Variants in KIAA1549L observed in about 807,000 individuals in gnomAD.
KIAA1549L encodes KIAA1549 like, also known as UPF0606 protein KIAA1549L.
KIAA1549L carries 88 observed loss-of-function variants against 160.7 expected under a neutral mutation model. That is an observed-to-expected ratio of 0.55 (90% CI 0.46 to 0.65). The LOEUF is 0.65. Among genes scored for constraint, KIAA1549L ranks in the 30% least tolerant of loss-of-function variants. The pLI is 0.00. For synonymous variants in KIAA1549L, 950 were observed against 976.7 expected (o/e 0.97, Z 0.51); for missense variants, 2,258 against 2,437.5 (o/e 0.93, Z 1.55).
At chr11:33,429,661 C>T (rs919668364) in intron 1 of KIAA1549L, among the ~76,000 whole-genome samples, 1 of 152,184 alleles carries the variant, frequency 6.6e-6, no homozygotes, top group African/African-American at 2.4e-5. Context: ...ATTAACCTTC[C>T]TCAGGGTTCA....
intron 16 of KIAA1549L, among the ~76,000 whole-genome samples, chr11:33,630,642 T>C (rs139428771): frequency 0.023 from 3,502 of 152,252 alleles, 142 homozygotes; most frequent in African/African-American, 0.074. Context: ...CTTCGGCTCA[T>C]GCATGGTGCG....
At chr11:33,648,366 C>T (rs118121823) in intron 17 of KIAA1549L, among the ~76,000 whole-genome samples, 3,501 of 151,640 alleles carry the variant, frequency 0.023, 61 homozygotes, top group Middle Eastern at 0.041. Context: ...CTGTGAGGTC[C>T]GTATTTTCAG....
At position 33,552,248 on chromosome 11, in the gene KIAA1549L, A is replaced by T; in HGVS notation, c.3855+7A>T. 6.3e-7 allele frequency: 1 copy of T among 1,596,262 alleles called. No individual in the cohort carries two copies. Among genetic ancestry groups the T allele is most frequent in the Non-Finnish European group, 8.5e-7 (1 of 1,170,988 alleles). ...AAGCAACTTGACAATTCAGGTAGGG[A>T]GGAAGGTGCTTCAGGCTGTGTAGTT... On this transcript the variant is annotated splice_region_variant and intron_variant, in intron 6 of 20. Coordinates refer to ENST00000658780, the MANE Select transcript of KIAA1549L (RefSeq NM_012194.3).
intron 1 of KIAA1549L, among the ~76,000 whole-genome samples, chr11:33,431,008 G>A (rs1343797404): frequency 2.0e-5 from 3 of 152,022 alleles, no homozygotes; most frequent in Non-Finnish European, 4.4e-5. Context: ...AGATGTGTTC[G>A]GAGTTTCTTC....
intron 12 of KIAA1549L, among the ~76,000 whole-genome samples, chr11:33,597,885 A>G (rs1850244575): frequency 6.6e-6 from 1 of 152,170 alleles, no homozygotes; most frequent in Non-Finnish European, 1.5e-5. Context: ...TAGACAACAC[A>G]CTTCACTTCC....
intron 15 of KIAA1549L, among the ~76,000 whole-genome samples, chr11:33,617,943 G>T (rs546609177): frequency 1.3e-5 from 2 of 152,118 alleles, no homozygotes; most frequent in Non-Finnish European, 2.9e-5. Flanking sequence ...GGATGGATAG[G>T]TGGGTGGGTG....
chr11:33,641,793 A>G (rs576622451), intron 16 of KIAA1549L, among the ~76,000 whole-genome samples: 4 of 151,962 alleles, frequency 2.6e-5, no homozygotes, highest in South Asian at 4.2e-4. Flanking sequence ...TTATAAGGAC[A>G]AAAAGAGCCG....
At chr11:33,552,337 A>T in intron 6 of KIAA1549L, 96 bp downstream of exon 6, 1 of 1,308,490 alleles carries the variant, frequency 7.6e-7, no homozygotes, top group Non-Finnish European at 1.1e-6. Flanking sequence ...CAGAGCTACC[A>T]TGTATAAATG....
At chr11:33,398,708 C>A (rs148348696) in intron 1 of KIAA1549L, among the ~76,000 whole-genome samples, 7 of 152,278 alleles carry the variant, frequency 4.6e-5, no homozygotes, top group Admixed American at 1.3e-4. Flanking sequence ...CTAACACAAC[C>A]ATTGATAGGA....
At chr11:33,614,559 T>C (rs1463197956) in intron 15 of KIAA1549L, among the ~76,000 whole-genome samples, 6 of 16,208 alleles carry the variant, frequency 3.7e-4, no homozygotes, top group Non-Finnish European at 5.9e-4. Flanking sequence ...TATATATATA[T>C]ATATATATAT....
intron 1 of KIAA1549L, among the ~76,000 whole-genome samples, chr11:33,519,201 A>C (rs1853424585): frequency 6.6e-6 from 1 of 152,338 alleles, no homozygotes; most frequent in Non-Finnish European, 1.5e-5. Flanking sequence ...CAAGTGATCT[A>C]GCCAACAGAT....
At chr11:33,423,062 T>TG (rs1283429153) in intron 1 of KIAA1549L, among the ~76,000 whole-genome samples, 4 of 152,244 alleles carry the variant, frequency 2.6e-5, no homozygotes, top group African/African-American at 9.6e-5. Context: ...ATTTCTTTGC[T>TG]GGTTTGGCCT....
In KIAA1549L at chr11:33,660,934, A is replaced by G. The variant is rs746777481; in HGVS notation, c.6079A>G (p.Thr2027Ala). ...TGGCTTCACCGGCTACTTCATCCCAACGCCTCCCTCATCCTATAGGAACCA... is the reference window on the plus strand; with the variant it reads ...TGGCTTCACCGGCTACTTCATCCCAGCGCCTCCCTCATCCTATAGGAACCA... ...RPGFTGYFIP[T>A]PPSSYRNQAW... The change falls in exon 20 of 21, where the codon ACG (threonine) becomes GCG (alanine). Residue 2027 changes from threonine (T) to alanine (A), a missense_variant. Physicochemically the swap from Thr to Ala is moderately conservative, Grantham distance 58. Coordinates refer to ENST00000658780, the MANE Select transcript of KIAA1549L (RefSeq NM_012194.3). The G allele has an allele frequency of 1.9e-6, 3 of 1,613,376 alleles. No individual in the cohort carries two copies. Among genetic ancestry groups the G allele is most frequent in the Non-Finnish European group, 1.7e-6 (2 of 1,179,742 alleles).
intron 16 of KIAA1549L, among the ~76,000 whole-genome samples, chr11:33,641,572 G>GTATATATA (rs10523183): frequency 2.0e-4 from 19 of 96,756 alleles, no homozygotes; most frequent in Non-Finnish European, 2.9e-4. Context: ...TAATGGATCT[G>GTATATATA]TATATATATA....
chr11:33,655,664 G>A (rs1489387167), intron 17 of KIAA1549L, among the ~76,000 whole-genome samples: 1 of 152,082 alleles, frequency 6.6e-6, no homozygotes, highest in Non-Finnish European at 1.5e-5. Flanking sequence ...TAGATAAATG[G>A]GGCTCTAGGG....
At chr11:33,515,403 G>T (rs1215272579) in intron 1 of KIAA1549L, among the ~76,000 whole-genome samples, 1 of 152,154 alleles carries the variant, frequency 6.6e-6, no homozygotes, top group Non-Finnish European at 1.5e-5. Flanking sequence ...TCAAATTCCT[G>T]GGGAAAAATC....
chr11:33,607,887 A>T (rs928700429), intron 14 of KIAA1549L, among the ~76,000 whole-genome samples: 1 of 152,208 alleles, frequency 6.6e-6, no homozygotes, highest in Non-Finnish European at 1.5e-5. Context: ...TTTAAAAAAA[A>T]TAACTGGTTG....
intron 1 of KIAA1549L, among the ~76,000 whole-genome samples, chr11:33,531,381 A>T (rs1853767330): frequency 4.6e-5 from 7 of 152,192 alleles, no homozygotes; most frequent in Admixed American, 4.6e-4. Context: ...AGGCTGAGGC[A>T]GGAGAATTGC....
chr11:33,459,916 C>G (rs1040794208), intron 1 of KIAA1549L, among the ~76,000 whole-genome samples: 1 of 139,468 alleles, frequency 7.2e-6, no homozygotes, highest in Non-Finnish European at 1.5e-5. Flanking sequence ...AGCCGAGATC[C>G]CGCCACTGCA....
Sources: allele counts gnomAD v4.1 joint callset (sites outside exome capture counted in the v4.1 genomes callset), GRCh38; gene constraint gnomAD v4.1.1; transcripts MANE v1.5; gene names NCBI Gene and HGNC (gene_info 2026-07-23, HGNC 2026-07-21).